The following SRGAP1 variants were observed in gnomAD, a reference collection of about 807,000 sequenced individuals.
SRGAP1 encodes SLIT-ROBO Rho GTPase-activating protein 1.
A neutral mutation model predicts 121.9 loss-of-function variants in SRGAP1; 43 were observed. That is an observed-to-expected ratio of 0.35 (90% CI 0.28 to 0.46). SRGAP1 has a LOEUF of 0.46. SRGAP1 is among the 20% of genes least tolerant of loss of function. SRGAP1 has a pLI of 1.00. For missense variants in SRGAP1, 1,102 were observed against 1,350.9 expected, an observed-to-expected ratio of 0.82 and a Z score of 2.89; for synonymous variants, 447 against 485.4, an observed-to-expected ratio of 0.92 and a Z score of 1.04.
chr12:64,113,206 G>C (rs369610138), intron 17 of SRGAP1, among the ~76,000 whole-genome samples: 1 of 151,902 alleles, frequency 6.6e-6, no homozygotes, highest in Non-Finnish European at 1.5e-5. Context: ...TCAGGAGTTC[G>C]AGACCAGCCT....
intron 9 of SRGAP1, among the ~76,000 whole-genome samples, chr12:64,079,529 A>T (rs1300089515): frequency 6.6e-6 from 1 of 150,692 alleles, no homozygotes; most frequent in Non-Finnish European, 1.5e-5. Context: ...ATATAGATAT[A>T]TAAATTAGCC....
chr12:63,961,707 T>A (rs1441380648), intron 1 of SRGAP1, among the ~76,000 whole-genome samples: 1 of 152,206 alleles, frequency 6.6e-6, no homozygotes, highest in Non-Finnish European at 1.5e-5. Context: ...TTTGTATGAG[T>A]ACTAGAATTC....
intron 1 of SRGAP1, among the ~76,000 whole-genome samples, chr12:63,935,088 G>A (rs74099385): frequency 1.3e-5 from 2 of 152,172 alleles, no homozygotes; most frequent in Non-Finnish European, 2.9e-5. Context: ...ATCGGGAGAG[G>A]AGGGTATGTC....
intron 1 of SRGAP1, among the ~76,000 whole-genome samples, chr12:63,849,245 G>T (rs982360145): frequency 2.6e-5 from 4 of 152,244 alleles, no homozygotes; most frequent in Admixed American, 6.5e-5. Context: ...CAGTGGAAGG[G>T]ATTGAATAAT....
chr12:63,855,473 GTTTTTTTTTTTT>G (rs781701925), intron 1 of SRGAP1, among the ~76,000 whole-genome samples: 2,848 of 53,040 alleles, frequency 0.054, 52 homozygotes, highest in Non-Finnish European at 0.073. Context: ...GAAAAATGGT[GTTTTTTTTTTTT>G]TTTTTTTTTT....
chr12:64,010,821 G>A (rs1304800058), intron 3 of SRGAP1, among the ~76,000 whole-genome samples: 1 of 151,682 alleles, frequency 6.6e-6, no homozygotes, highest in African/African-American at 2.4e-5. Context: ...TATTTAACTT[G>A]TACACAGACT....
intron 1 of SRGAP1, among the ~76,000 whole-genome samples, chr12:63,965,928 C>T (rs1565973524): frequency 6.6e-6 from 1 of 152,192 alleles, no homozygotes; most frequent in East Asian, 1.9e-4. Context: ...AAGTGATTCT[C>T]CTGCCTCAGC....
At chr12:64,056,309 C>T (rs1180547568) in intron 6 of SRGAP1, among the ~76,000 whole-genome samples, 1 of 152,192 alleles carries the variant, frequency 6.6e-6, no homozygotes, top group South Asian at 2.1e-4. Flanking sequence ...AAAATCCATT[C>T]TCTTCCCAAG....
chr12:63,929,332 A>G (rs990190647), intron 1 of SRGAP1, among the ~76,000 whole-genome samples: 5 of 152,244 alleles, frequency 3.3e-5, no homozygotes, highest in Non-Finnish European at 4.4e-5. Flanking sequence ...TATCTACCTT[A>G]TAAGGTCATT....
intron 18 of SRGAP1, among the ~76,000 whole-genome samples, chr12:64,122,823 G>A (rs778684126): frequency 2.6e-5 from 4 of 152,138 alleles, no homozygotes; most frequent in Non-Finnish European, 5.9e-5. Flanking sequence ...GCTTGAACCC[G>A]GGAGGCAGAG....
At chr12:63,956,002 T>G (rs2032452309) in intron 1 of SRGAP1, among the ~76,000 whole-genome samples, 1 of 152,186 alleles carries the variant, frequency 6.6e-6, no homozygotes, top group Non-Finnish European at 1.5e-5. Context: ...GAGCTACTGA[T>G]TGTGCAACAC....
At chr12:64,033,910 C>T (rs2034840507) in intron 4 of SRGAP1, among the ~76,000 whole-genome samples, 1 of 152,084 alleles carries the variant, frequency 6.6e-6, no homozygotes, top group Non-Finnish European at 1.5e-5. Context: ...ATCCCAGCTA[C>T]TCAGGAGGCT....
intron 17 of SRGAP1, among the ~76,000 whole-genome samples, chr12:64,114,331 CTTTTTTT>C (rs957049187): frequency 4.5e-5 from 4 of 89,248 alleles, no homozygotes; most frequent in South Asian, 3.9e-4. Flanking sequence ...ATATGGTTAG[CTTTTTTT>C]TTTTTTTTTT....
intron 4 of SRGAP1, among the ~76,000 whole-genome samples, chr12:64,026,066 A>G (rs1272986540): frequency 6.6e-6 from 1 of 151,728 alleles, no homozygotes; most frequent in Non-Finnish European, 1.5e-5. Flanking sequence ...TTTATATACC[A>G]CAAGTAAGGC....
At chr12:64,083,768 T>A (rs1477252302) in intron 10 of SRGAP1, among the ~76,000 whole-genome samples, 1 of 152,184 alleles carries the variant, frequency 6.6e-6, no homozygotes. Context: ...TGTGCAGCAT[T>A]TGGAGTTAAG....
At chr12:63,906,007 CT>C (rs2030187494) in intron 1 of SRGAP1, among the ~76,000 whole-genome samples, 1 of 152,170 alleles carries the variant, frequency 6.6e-6, no homozygotes. Context: ...TTCATTACCC[CT>C]AAAAGTTGGC....
chr12:64,077,152 A>C (rs888132973), intron 8 of SRGAP1, among the ~76,000 whole-genome samples: 2 of 152,194 alleles, frequency 1.3e-5, no homozygotes, highest in African/African-American at 4.8e-5. Flanking sequence ...TGGAAAAAGA[A>C]AGCAGATTTT....
intron 1 of SRGAP1, among the ~76,000 whole-genome samples, chr12:63,889,096 T>A (rs1256331172): frequency 5.9e-5 from 9 of 152,142 alleles, no homozygotes; most frequent in African/African-American, 2.2e-4. Flanking sequence ...TGCTGTTCCC[T>A]CTCCCTGGAA....
intron 1 of SRGAP1, among the ~76,000 whole-genome samples, chr12:63,956,786 T>C (rs927215662): frequency 2.0e-5 from 3 of 147,788 alleles, no homozygotes; most frequent in African/African-American, 7.6e-5. Context: ...CTATTTCCAG[T>C]GTATAATTCC....
Sources: allele counts gnomAD v4.1 joint callset (sites outside exome capture counted in the v4.1 genomes callset), GRCh38; gene constraint gnomAD v4.1.1; transcripts MANE v1.5; gene names NCBI Gene and HGNC (gene_info 2026-07-23, HGNC 2026-07-21).